The following CNTN4 variants were observed in gnomAD, a reference collection of about 807,000 sequenced individuals.
CNTN4 encodes the protein contactin-4.
In CNTN4, 77 loss-of-function variants were observed where a neutral mutation model predicts 122.5. The observed-to-expected ratio is 0.63, with a 90% CI of 0.52 to 0.76. The LOEUF (loss-of-function observed/expected upper bound fraction) is 0.76, where lower values mean the gene tolerates loss of function less well. Among genes scored for constraint, CNTN4 ranks in the 30% least tolerant of loss-of-function variants. The probability of loss-of-function intolerance (pLI) is 0.00; values close to 1 mark genes in which losing one functional copy is unlikely to be tolerated. For missense variants in CNTN4, 1,256 were observed against 1,259.1 expected (o/e 1.00, Z 0.04); for synonymous variants, 512 against 447.0 (o/e 1.15, Z -1.83).
intron 3 of CNTN4, among the ~76,000 whole-genome samples, chr3:2,523,163 G>T (rs2077279257): frequency 6.6e-6 from 1 of 151,930 alleles, no homozygotes; most frequent in African/African-American, 2.4e-5. Context: ...GTTCTATATG[G>T]AATGTTCTGG....
In CNTN4 at chr3:2,771,422, C is replaced by A. The variant is rs527364084; in HGVS notation, c.358+25725C>A. Among the ~76,000 whole-genome samples, 205 of 152,276 alleles carry A rather than the reference C, an allele frequency of 1.3e-3. 1 individual carries two copies. The highest frequency in any genetic ancestry group is 2.3e-3 in the Admixed American group (35 of 15,302). ...CTGATCAAGCAAGCCACATGGTGGG[C>A]AGAATTACCCACACTATTTACATGG... On this transcript the variant is annotated intron_variant, in intron 6 of 24. Coordinates refer to ENST00000418658, the MANE Select transcript of CNTN4 (RefSeq NM_175607.3).
intron 4 of CNTN4, among the ~76,000 whole-genome samples, chr3:2,671,435 C>T (rs929117108): frequency 6.6e-6 from 1 of 152,198 alleles, no homozygotes; most frequent in African/African-American, 2.4e-5. Flanking sequence ...TGGTTTTCAG[C>T]TCCATCAGGT....
At position 2,725,584 on chromosome 3, in the gene CNTN4, G is replaced by T. The variant is rs144498447; in HGVS notation, c.56-10631G>T. Among the ~76,000 whole-genome samples the T allele has an allele frequency of 2.7e-3, 409 of 152,234 alleles. 2 individuals carry two copies. Among genetic ancestry groups the T allele is most frequent in the Non-Finnish European group, 5.3e-3 (359 of 68,012 alleles). ...ATATATTTTTTTACAACAAGAAACT[G>T]TCCTGTAGTGGGGAAGGGCCTGGAC... On this transcript the variant is annotated intron_variant, in intron 4 of 24. Coordinates refer to ENST00000418658, the MANE Select transcript of CNTN4 (RefSeq NM_175607.3).
chr3:2,521,654 C>T (rs956313626), intron 3 of CNTN4, among the ~76,000 whole-genome samples: 9 of 151,898 alleles, frequency 5.9e-5, no homozygotes, highest in Non-Finnish European at 8.8e-5. Flanking sequence ...TTCATTTCAC[C>T]GTATAAAAAG....
intron 2 of CNTN4, among the ~76,000 whole-genome samples, chr3:2,156,456 CAATGGCAGTG>C (rs2035723833): frequency 6.6e-6 from 1 of 152,204 alleles, no homozygotes; most frequent in African/African-American, 2.4e-5. Context: ...CAGCAGTAAG[CAATGGCAGTG>C]ATCGGATTCC....
chr3:2,886,078 C>G (rs1013866017), intron 9 of CNTN4, among the ~76,000 whole-genome samples: 1 of 152,070 alleles, frequency 6.6e-6, no homozygotes, highest in Non-Finnish European at 1.5e-5. Context: ...AAAAGCGCTA[C>G]CAGATTCAAG....
At chr3:2,363,867 A>T (rs978046190) in intron 3 of CNTN4, among the ~76,000 whole-genome samples, 1 of 152,232 alleles carries the variant, frequency 6.6e-6, no homozygotes, top group Non-Finnish European at 1.5e-5. Context: ...TGAAACAATA[A>T]ATAGTAAGGT....
At chr3:2,319,783 G>T (rs2043221807) in intron 2 of CNTN4, among the ~76,000 whole-genome samples, 1 of 152,074 alleles carries the variant, frequency 6.6e-6, no homozygotes, top group African/African-American at 2.4e-5. Flanking sequence ...GACTTCATGG[G>T]GGTTGGTACC....
intron 6 of CNTN4, among the ~76,000 whole-genome samples, chr3:2,810,934 G>C (rs568765930): frequency 9.3e-5 from 14 of 151,322 alleles, no homozygotes; most frequent in Non-Finnish European, 1.8e-4. Flanking sequence ...GGACAGCTCT[G>C]AATAAGCTTT....
intron 4 of CNTN4, among the ~76,000 whole-genome samples, chr3:2,586,025 A>T (rs532276945): frequency 6.6e-6 from 1 of 152,148 alleles, no homozygotes; most frequent in Non-Finnish European, 1.5e-5. Context: ...TCTCTGTTAA[A>T]TGCTTCAAAT....
Position 2,736,057 on chromosome 3 carries a change from C to T in CNTN4, c.56-158C>T, listed in dbSNP as rs531013587. On this transcript the variant is annotated intron_variant, in intron 4 of 24. Coordinates refer to ENST00000418658, the MANE Select transcript of CNTN4 (RefSeq NM_175607.3). Reference sequence around the variant, plus strand: ...TCATAATCCACAGAAGATTAACCTTCAATGGGAAATTTTCTTCTAGAAGCT... The same window carrying T: ...TCATAATCCACAGAAGATTAACCTTTAATGGGAAATTTTCTTCTAGAAGCT... 63 of 791,416 alleles carry T rather than the reference C, an allele frequency of 8.0e-5. 1 individual carries two copies. In the East Asian group the frequency reaches 1.5e-3, roughly 19 times the overall value. 49.0% of individuals were successfully genotyped at this position (791,416 alleles called of 1,614,324 possible).
chr3:2,507,096 G>A (rs1204088660), intron 3 of CNTN4, among the ~76,000 whole-genome samples: 2 of 152,172 alleles, frequency 1.3e-5, no homozygotes, highest in African/African-American at 4.8e-5. Context: ...TACAGCTACT[G>A]CAGCTATATG....
chr3:2,476,878 T>G (rs2075850297), intron 3 of CNTN4, among the ~76,000 whole-genome samples: 1 of 152,212 alleles, frequency 6.6e-6, no homozygotes. Flanking sequence ...TTTTTATTAT[T>G]AGTCTTTATT....
chr3:2,864,183 C>T (rs1332206459), intron 7 of CNTN4, among the ~76,000 whole-genome samples: 2 of 152,220 alleles, frequency 1.3e-5, no homozygotes, highest in Admixed American at 6.5e-5. Context: ...CACTTACCTG[C>T]ATCACATTTA....
intron 14 of CNTN4, among the ~76,000 whole-genome samples, chr3:3,025,494 C>T (rs1698651709): frequency 6.6e-6 from 1 of 152,022 alleles, no homozygotes; most frequent in Non-Finnish European, 1.5e-5. Flanking sequence ...TCGTATTTGT[C>T]TCATTTTTAT....
intron 14 of CNTN4, chr3:2,988,681 A>C: frequency 1.7e-6 from 1 of 579,638 alleles, no homozygotes; most frequent in Non-Finnish European, 3.1e-6. Flanking sequence ...TTTCAGAATC[A>C]TCCAATACAA....
chr3:2,632,940 A>G (rs1224633416), intron 4 of CNTN4, among the ~76,000 whole-genome samples: 1 of 150,592 alleles, frequency 6.6e-6, no homozygotes, highest in Non-Finnish European at 1.5e-5. Flanking sequence ...ATGTTGATTG[A>G]AAAATTACAA....
chr3:2,814,448 T>A (rs2150176574), intron 6 of CNTN4, among the ~76,000 whole-genome samples: 1 of 152,328 alleles, frequency 6.6e-6, no homozygotes, highest in African/African-American at 2.4e-5. Flanking sequence ...TATTTTCTCC[T>A]TGTTCAACTT....
chr3:2,224,903 C>T (rs930266398), intron 2 of CNTN4, among the ~76,000 whole-genome samples: 1 of 152,176 alleles, frequency 6.6e-6, no homozygotes, highest in Non-Finnish European at 1.5e-5. Flanking sequence ...GTAATCCCAG[C>T]ATTTTGGGAG....
Sources: gnomAD v4.1 joint callset for allele counts (sites outside exome capture counted in the v4.1 genomes callset) on GRCh38, gnomAD v4.1.1 for gene constraint, MANE v1.5 for transcripts, NCBI Gene and HGNC (gene_info 2026-07-23, HGNC 2026-07-21) for gene names.